GGT5: variants seen among roughly 807,000 people sequenced by gnomAD.
GGT5 encodes the protein gamma-glutamyltransferase 5.
GGT5 carries 50 observed loss-of-function variants against 58.1 expected under a neutral mutation model. The observed-to-expected ratio is 0.86, with a 90% CI of 0.69 to 1.09. The LOEUF is 1.09. Among genes scored for constraint, GGT5 ranks in the 50% least tolerant of loss-of-function variants. The probability of loss-of-function intolerance (pLI) is 0.00; values close to 1 mark genes in which losing one functional copy is unlikely to be tolerated. For synonymous variants in GGT5, 370 were observed against 346.1 expected, an observed-to-expected ratio of 1.07 and a Z score of -0.77; for missense variants, 800 against 789.4, an observed-to-expected ratio of 1.01 and a Z score of -0.16.
At chr22:24,220,702 C>T (rs1452944671) in intron 11 of GGT5, 2 of 454,720 alleles carry the variant, frequency 4.4e-6, no homozygotes, top group East Asian at 6.9e-5. Context: ...TTGAGAACAG[C>T]CAGGGCAACA....
At position 24,230,816 on chromosome 22, in the gene GGT5, G is replaced by A. The variant is rs553383504; in HGVS notation, c.901+568C>T. ...ATTTAGGTCAACAAGGCAAAGAACA[G>A]ATTCTCCCCTGGAGCCCCCAATGGA... On this transcript the variant is annotated intron_variant, in intron 6 of 11. Transcript: ENST00000327365. 1.5e-4 allele frequency among the ~76,000 whole-genome samples: 23 copies of A among 152,280 alleles called. No homozygotes were observed. The South Asian group carries it at 2.9e-3, about 19-fold the overall frequency.
chr22:24,240,926 A>G (rs563848774), intron 1 of GGT5, among the ~76,000 whole-genome samples: 6 of 152,252 alleles, frequency 3.9e-5, no homozygotes, highest in African/African-American at 1.4e-4. Flanking sequence ...GGGAGGCCAA[A>G]GCGGGCAGAT....
chr22:24,227,408 G>A (rs994429788), intron 6 of GGT5, among the ~76,000 whole-genome samples: 5 of 152,034 alleles, frequency 3.3e-5, no homozygotes, highest in South Asian at 2.1e-4. Flanking sequence ...CATCATGCCC[G>A]GCTAATTTTT....
In GGT5 at chr22:24,219,775, G is replaced by A. The variant is rs2047534948; in HGVS notation, c.*195C>T. On this transcript the variant is annotated 3_prime_UTR_variant, in exon 12 of 12. Transcript: ENST00000327365. ...AGGGGCCGGTTCAGGACCACCAGGG[G>A]CTCTGGGAAAGGGGGTTAGGGATGA... 1.2e-5 allele frequency: 7 copies of A among 592,054 alleles called. No individual in the cohort carries two copies. In the East Asian group the frequency reaches 1.7e-4, roughly 14 times the overall value. The allele number at this position is 592,054 out of a possible 1,614,324, so 36.7% of individuals were successfully genotyped here.
rs368450108 is a variant in GGT5 at position 24,244,442 on chromosome 22, TCA to T, written c.173+109_173+110del. On this transcript the variant is annotated intron_variant, in intron 1 of 11. Transcript: ENST00000327365. ...CATGCAATCACACATACCCAGACAC[TCA>T]CACACACACCCACACATACATTCAC... 1,893 of 900,754 alleles carry T rather than the reference TCA, an allele frequency of 2.1e-3. 4 individuals carry two copies. Among genetic ancestry groups the T allele is most frequent in the Non-Finnish European group, 2.9e-3 (1,636 of 565,598 alleles). The allele number at this position is 900,754 out of a possible 1,614,324, so 55.8% of individuals were successfully genotyped here.
At position 24,228,325 on chromosome 22, in the gene GGT5, A is replaced by G. The variant is rs536582850; in HGVS notation, c.902-1558T>C. On this transcript the variant is annotated intron_variant, in intron 6 of 11. Coordinates refer to ENST00000327365, the MANE Select transcript of GGT5 (RefSeq NM_004121.5). ...AAAACACAACAGCTCACAACCTTAC[A>G]AGAAGGCCATCACAATCTTACACAA... Among the ~76,000 whole-genome samples the G allele has an allele frequency of 2.6e-5, 4 of 152,242 alleles. No homozygotes were observed. The East Asian group carries it at 7.7e-4, about 29-fold the overall frequency.
chr22:24,220,777 A>G, intron 11 of GGT5: 1 of 420,666 alleles, frequency 2.4e-6, no homozygotes, highest in Non-Finnish European at 4.7e-6. Context: ...CACACCTGTA[A>G]TCCCAGCACT....
intron 6 of GGT5, among the ~76,000 whole-genome samples, chr22:24,230,550 AC>A (rs2047907325): frequency 6.6e-6 from 1 of 151,976 alleles, no homozygotes. Context: ...AGAGCAAGAC[AC>A]CGTCTCAATA....
At chr22:24,233,620 G>A (rs1376130111) in intron 2 of GGT5, 27 bp from the exon 3 acceptor site, 13 of 1,394,538 alleles carry the variant, frequency 9.3e-6, no homozygotes, top group Non-Finnish European at 1.3e-5. Flanking sequence ...CAGGTGAGTG[G>A]TCATGGACCC....
At chr22:24,224,395 G>C (rs1358251660) in intron 11 of GGT5, among the ~76,000 whole-genome samples, 1 of 151,996 alleles carries the variant, frequency 6.6e-6, no homozygotes, top group African/African-American at 2.4e-5. Flanking sequence ...GCACACACCT[G>C]TAGTCCTAGT....
Position 24,233,003 on chromosome 22 carries a change from C to T in GGT5, c.416G>A (p.Gly139Glu). Residue 139 changes from glycine (G) to glutamate (E), a missense_variant, in exon 4 of 12, where the codon GGG becomes GAG. Physicochemically the swap from Gly to Glu is moderately conservative, Grantham distance 98. Coordinates refer to ENST00000327365, the MANE Select transcript of GGT5 (RefSeq NM_004121.5). Reference sequence around the variant, plus strand: ...ATAGCCACGGAGCTCCCCGGGCACCCCGATCCACTGGGCCCCTGCATGGCA... The same window carrying T: ...ATAGCCACGGAGCTCCCCGGGCACCTCGATCCACTGGGCCCCTGCATGGCA... ...LPLGTGAQWI[G>E]VPGELRGYAE... The T allele has an allele frequency of 1.3e-6, 2 of 1,543,330 alleles. No individual in the cohort carries two copies. The highest frequency in any genetic ancestry group is 1.7e-6 in the Non-Finnish European group (2 of 1,144,010).
Position 24,225,059 on chromosome 22 carries a change from A to C in GGT5, c.1551T>G (p.Ile517Met). ...LWLGFDLRAAIAAPILHVNSK... is the reference protein window; with the variant it reads ...LWLGFDLRAAMAAPILHVNSK... ...TGTTGACATGCAGGATGGGGGCTGC[A>C]ATGGCCGCTCTCAGGTCAAAGCCAA... Residue 517 changes from isoleucine to methionine, a missense_variant, in exon 11 of 12, where the codon ATT (isoleucine) becomes ATG (methionine). Ile to Met is a conservative substitution (Grantham distance 10). Transcript: ENST00000327365. 1 of 1,601,766 alleles carries C rather than the reference A, an allele frequency of 6.2e-7. No individual in the cohort carries two copies. Among genetic ancestry groups the C allele is most frequent in the Non-Finnish European group, 8.5e-7 (1 of 1,174,250 alleles).
At position 24,226,083 on chromosome 22, in the gene GGT5, T is replaced by A; in HGVS notation, c.1222A>T (p.Asn408Tyr). The change falls in exon 8 of 12, where the codon AAC becomes TAC. Residue 408 changes from asparagine (N) to tyrosine (Y), a missense_variant. By Grantham distance (143) the Asn-to-Tyr change is moderately radical. Transcript: ENST00000327365. ...GSAVAATSTI[N>Y]TPFGAMVYSP... ...CCCCCAGGCCCTACGCACGGTGTGTTGATGGTGCTGGTGGCAGCCACGGCG... is the reference window on the plus strand; with the variant it reads ...CCCCCAGGCCCTACGCACGGTGTGTAGATGGTGCTGGTGGCAGCCACGGCG... The A allele has an allele frequency of 6.3e-7, 1 of 1,595,894 alleles. No individual in the cohort carries two copies. The highest frequency in any genetic ancestry group is 2.3e-5 in the East Asian group (1 of 44,444).
At chr22:24,222,215 CAAAA>C (rs1002230584) in intron 11 of GGT5, among the ~76,000 whole-genome samples, 1 of 151,784 alleles carries the variant, frequency 6.6e-6, no homozygotes, top group Middle Eastern at 3.4e-3. Context: ...CAAAACAAAA[CAAAA>C]AAAACTAATG....
chr22:24,228,970 G>A (rs2047858349), intron 6 of GGT5, among the ~76,000 whole-genome samples: 1 of 151,814 alleles, frequency 6.6e-6, no homozygotes, highest in Non-Finnish European at 1.5e-5. Context: ...CACATGGGTA[G>A]TCCTAGCTAC....
intron 1 of GGT5, among the ~76,000 whole-genome samples, chr22:24,239,166 G>A (rs181688530): frequency 1.0e-3 from 149 of 148,008 alleles, no homozygotes; most frequent in African/African-American, 3.5e-3. Context: ...AGTGAAACCC[G>A]TCTCTACTAA....
chr22:24,223,628 A>C lies in GGT5; in HGVS notation c.1614+1368T>G, dbSNP rs2047664046. 1.3e-5 allele frequency among the ~76,000 whole-genome samples: 2 copies of C among 151,850 alleles called. 1 individual carries two copies. Among genetic ancestry groups the C allele is most frequent in the South Asian group, 4.2e-4 (2 of 4,800 alleles). On this transcript the variant is annotated intron_variant, in intron 11 of 11. Coordinates refer to ENST00000327365, the MANE Select transcript of GGT5 (RefSeq NM_004121.5). Reference sequence around the variant, plus strand: ...TGAAAACTAAGGCTCTTGGGACTACACTCTGTTCCTGGACTAAGGCCATGG... The same window carrying C: ...TGAAAACTAAGGCTCTTGGGACTACCCTCTGTTCCTGGACTAAGGCCATGG...
At position 24,244,940 on chromosome 22, in the gene GGT5, G is replaced by A. The variant is rs2048434883; in HGVS notation, c.-215C>T. 3 of 803,242 alleles carry A rather than the reference G, an allele frequency of 3.7e-6. No homozygotes were observed. The South Asian group carries it at 5.8e-5, about 15-fold the overall frequency. The allele number at this position is 803,242 out of a possible 1,614,324, so 49.8% of individuals were successfully genotyped here. On this transcript the variant is annotated 5_prime_UTR_variant, in exon 1 of 12. Coordinates refer to ENST00000327365, the MANE Select transcript of GGT5 (RefSeq NM_004121.5). ...AGAGAAAGATGGTCAGATAGACAAT[G>A]GGACAGAGATGGGCTTACAGATGGG...
chr22:24,242,988 A>C (rs1206971381), intron 1 of GGT5: 2 of 152,218 alleles, frequency 1.3e-5, no homozygotes. Flanking sequence ...CAGCAGAGGG[A>C]GCTTTAGAGT....
Sources: gnomAD v4.1 joint callset for allele counts (sites outside exome capture counted in the v4.1 genomes callset) on GRCh38, gnomAD v4.1.1 for gene constraint, MANE v1.5 for transcripts, NCBI Gene and HGNC (gene_info 2026-07-23, HGNC 2026-07-21) for gene names.